RLF: variants seen among roughly 807,000 people sequenced by gnomAD.
RLF encodes zinc finger protein Rlf.
RLF carries 7 observed loss-of-function variants against 162.9 expected under a neutral mutation model. That is an observed-to-expected ratio of 0.04 (90% CI 0.02 to 0.08). RLF has a LOEUF of 0.08. RLF is among the 10% of genes least tolerant of loss of function. The pLI, the probability that RLF is intolerant of heterozygous loss-of-function variation, is 1.00. For synonymous variants in RLF, 782 were observed against 791.5 expected, an observed-to-expected ratio of 0.99 and a Z score of 0.20; for missense variants, 1,664 against 2,244.7, an observed-to-expected ratio of 0.74 and a Z score of 5.23.
intron 1 of RLF, among the ~76,000 whole-genome samples, chr1:40,169,344 C>G (rs1642207880): frequency 6.6e-6 from 1 of 151,866 alleles, no homozygotes; most frequent in African/African-American, 2.4e-5. Context: ...CGGCCGGGCG[C>G]GGTGGCTCAC....
chr1:40,211,956 CT>C (rs1012066294), intron 5 of RLF, among the ~76,000 whole-genome samples: 23 of 152,180 alleles, frequency 1.5e-4, no homozygotes, highest in Non-Finnish European at 1.2e-4. Flanking sequence ...CCTAGTGATA[CT>C]TTTCTTTTGC....
At chr1:40,168,813 G>A (rs1469467137) in intron 1 of RLF, among the ~76,000 whole-genome samples, 1 of 151,814 alleles carries the variant, frequency 6.6e-6, no homozygotes, top group East Asian at 1.9e-4. Context: ...CCAACATGGT[G>A]AAACCCCATC....
intron 1 of RLF, among the ~76,000 whole-genome samples, chr1:40,184,991 C>CT (rs1326909997): frequency 2.6e-5 from 4 of 152,032 alleles, no homozygotes; most frequent in Admixed American, 2.0e-4. Flanking sequence ...AATCCCAGCA[C>CT]TTTGAGAGGC....
chr1:40,196,067 A>ACTTTT (rs777979934), intron 4 of RLF, among the ~76,000 whole-genome samples: 1 of 150,480 alleles, frequency 6.6e-6, no homozygotes, highest in Non-Finnish European at 1.5e-5. Flanking sequence ...CTTTGCTTAT[A>ACTTTT]CTTTTCTTTT....
chr1:40,216,878 C>T (rs1290506644), intron 5 of RLF, among the ~76,000 whole-genome samples: 1 of 151,962 alleles, frequency 6.6e-6, no homozygotes, highest in East Asian at 1.9e-4. Context: ...ATGGTGAAAC[C>T]CCGTCTCTAC....
At chr1:40,165,546 A>G (rs1406169081) in intron 1 of RLF, among the ~76,000 whole-genome samples, 1 of 152,102 alleles carries the variant, frequency 6.6e-6, no homozygotes, top group Non-Finnish European at 1.5e-5. Flanking sequence ...CTGATTTACC[A>G]GATAGGTTTC....
rs1642169221 is a variant in RLF, at chr1:40,166,646, C to G, written c.237+5010C>G. On this transcript the variant is annotated intron_variant, in intron 1 of 7. Coordinates refer to ENST00000372771, the MANE Select transcript of RLF (RefSeq NM_012421.4). ...TAGACTGGATTAAGAAAATGTGGCACATGTACACCATGGAATACCGTGCAG... is the reference window on the plus strand; with the variant it reads ...TAGACTGGATTAAGAAAATGTGGCAGATGTACACCATGGAATACCGTGCAG... 2.6e-5 allele frequency among the ~76,000 whole-genome samples: 4 copies of G among 152,002 alleles called. No individual in the cohort carries two copies. In the South Asian group the frequency reaches 8.3e-4, roughly 32 times the overall value.
At chr1:40,172,176 C>A (rs948576387) in intron 1 of RLF, among the ~76,000 whole-genome samples, 10 of 151,210 alleles carry the variant, frequency 6.6e-5, no homozygotes, top group Non-Finnish European at 8.8e-5. Flanking sequence ...TATAAAAGCA[C>A]TTCTTGTGGC....
chr1:40,173,075 T>TTTG (rs1642268378), intron 1 of RLF, among the ~76,000 whole-genome samples: 1 of 148,130 alleles, frequency 6.8e-6, no homozygotes, highest in East Asian at 2.0e-4. Flanking sequence ...ACATTCAGGT[T>TTTG]TTTTTTTTTT....
chr1:40,230,875 TG>T (rs1226022540), intron 6 of RLF, among the ~76,000 whole-genome samples: 1 of 152,230 alleles, frequency 6.6e-6, no homozygotes, highest in African/African-American at 2.4e-5. Context: ...TTTGCGTGAG[TG>T]TTTTACCCAT....
At chr1:40,192,133 A>G (rs534224403) in intron 3 of RLF, among the ~76,000 whole-genome samples, 4 of 152,216 alleles carry the variant, frequency 2.6e-5, no homozygotes, top group African/African-American at 4.8e-5. Flanking sequence ...TTCTTGGCCT[A>G]TTTAAAGCCC....
rs762940270 is a variant in RLF at position 40,239,523 on chromosome 1, T to C, written c.4821T>C (p.Asp1607=). Residue 1607 remains aspartate (D), a synonymous_variant, in exon 8 of 8, where the codon GAT becomes GAC. Coordinates refer to ENST00000372771, the MANE Select transcript of RLF (RefSeq NM_012421.4). ...AGGAGGAACCCCCTTCTGAAGCAGA[T>C]CCCTGTATAAAGAAAGAAGAAAATA... ...KIKEEPPSEA[D]PCIKKEENRS... 103 of 1,613,958 alleles carry C rather than the reference T, an allele frequency of 6.4e-5. 2 individuals are homozygous for C. The South Asian group carries it at 1.0e-3, about 16-fold the overall frequency.
At chr1:40,209,872 C>T (rs1019068894) in intron 5 of RLF, among the ~76,000 whole-genome samples, 19 of 146,702 alleles carry the variant, frequency 1.3e-4, no homozygotes, top group Non-Finnish European at 7.4e-5. Context: ...GGCGAGACTC[C>T]GTCTTAAAAA....
chr1:40,225,701 C>T (rs1228050430), intron 6 of RLF, among the ~76,000 whole-genome samples: 1 of 151,406 alleles, frequency 6.6e-6, no homozygotes, highest in African/African-American at 2.4e-5. Flanking sequence ...ACAGTGAAAC[C>T]CTGTCTCTAC....
intron 1 of RLF, among the ~76,000 whole-genome samples, chr1:40,184,845 G>A (rs1360615639): frequency 6.6e-6 from 1 of 152,082 alleles, no homozygotes; most frequent in Non-Finnish European, 1.5e-5. Flanking sequence ...AAAGAGAGAG[G>A]TCATTAATTT....
At chr1:40,233,228 C>G (rs1475759166) in intron 7 of RLF, among the ~76,000 whole-genome samples, 1 of 152,150 alleles carries the variant, frequency 6.6e-6, no homozygotes, top group African/African-American at 2.4e-5. Context: ...TTCAGCTCCA[C>G]ATTGCATATC....
intron 1 of RLF, among the ~76,000 whole-genome samples, chr1:40,170,377 C>T (rs1642226503): frequency 6.6e-6 from 1 of 152,152 alleles, no homozygotes; most frequent in South Asian, 2.1e-4. Flanking sequence ...GTTGTCCCAA[C>T]CCAGCCTCTC....
chr1:40,203,303 A>G (rs2124543255), intron 5 of RLF, among the ~76,000 whole-genome samples: 1 of 151,850 alleles, frequency 6.6e-6, no homozygotes, highest in Non-Finnish European at 1.5e-5. Context: ...TTTAGTAGAG[A>G]CGGGGTTTCA....
intron 5 of RLF, among the ~76,000 whole-genome samples, chr1:40,221,466 A>G (rs1269572788): frequency 1.3e-5 from 2 of 152,202 alleles, no homozygotes; most frequent in Non-Finnish European, 2.9e-5. Flanking sequence ...CTGTAAGAAA[A>G]TAACATTTGA....
Sources: allele counts gnomAD v4.1 joint callset (sites outside exome capture counted in the v4.1 genomes callset), GRCh38; gene constraint gnomAD v4.1.1; transcripts MANE v1.5; gene names NCBI Gene and HGNC (gene_info 2026-07-23, HGNC 2026-07-21).